EVI5: variants seen among roughly 807,000 people sequenced by gnomAD.
EVI5 encodes the protein ecotropic viral integration site 5 protein homolog.
Under a neutral mutation model 112.0 loss-of-function variants are expected in EVI5, and 73 were observed. The observed-to-expected ratio is 0.65, with a 90% CI of 0.54 to 0.79. The LOEUF (loss-of-function observed/expected upper bound fraction) is 0.79, where lower values mean the gene tolerates loss of function less well. Among genes scored for constraint, EVI5 ranks in the 30% least tolerant of loss-of-function variants. The pLI is 0.00. For missense variants in EVI5, 900 were observed against 968.8 expected (o/e 0.93, Z 0.94); for synonymous variants, 305 against 319.9 (o/e 0.95, Z 0.50).
Position 92,565,981 on chromosome 1 carries a change from C to A in EVI5, c.2071-2244G>T, listed in dbSNP as rs1161576240. ...AAAAAAAAAAAAAGAAATGTTCTAG[C>A]GACAGAGTGGGTAGCACTCCTATAG... On this transcript the variant is annotated intron_variant, in intron 18 of 19. Coordinates refer to ENST00000684568, the MANE Select transcript of EVI5 (RefSeq NM_001350197.2). Among the ~76,000 whole-genome samples, 10 of 50,542 alleles carry A rather than the reference C, an allele frequency of 2.0e-4. No homozygotes were observed. The Admixed American group carries it at 2.1e-3, about 11-fold the overall frequency. The allele number at this position is 50,542 out of a possible 152,430, so 33.2% of individuals were successfully genotyped here.
At position 92,792,282 on chromosome 1, in the gene EVI5, G is replaced by A. The variant is rs528361187; in HGVS notation, c.51+62C>T. 16 of 1,077,266 alleles carry A rather than the reference G, an allele frequency of 1.5e-5. No individual in the cohort carries two copies. In the East Asian group the frequency reaches 3.6e-4, roughly 24 times the overall value. The allele number at this position is 1,077,266 out of a possible 1,614,324, so 66.7% of individuals were successfully genotyped here. A position where few individuals can be genotyped will look rare whatever the true frequency, so the allele number is the denominator to read the frequency against. ...CTAACTCAATAACAAATTACTTTCT[G>A]TTACAGCAATTACATTTTTATAAGT... On this transcript the variant is annotated intron_variant, in intron 1 of 17. Coordinates refer to the EVI5 transcript ENST00000370331.
intron 2 of EVI5, among the ~76,000 whole-genome samples, chr1:92,731,175 T>C (rs1676405104): frequency 6.6e-6 from 1 of 151,922 alleles, no homozygotes; most frequent in Non-Finnish European, 1.5e-5. Context: ...AATACAAAAA[T>C]TAGCCGTCAT....
chr1:92,751,535 T>A (rs913367113), intron 1 of EVI5, among the ~76,000 whole-genome samples: 2 of 152,206 alleles, frequency 1.3e-5, no homozygotes, highest in African/African-American at 4.8e-5. Context: ...TTGGGTTGGA[T>A]CATTTGTTTC....
intron 18 of EVI5, among the ~76,000 whole-genome samples, chr1:92,593,141 C>T (rs1019204989): frequency 1.3e-5 from 2 of 152,286 alleles, no homozygotes; most frequent in South Asian, 4.1e-4. Flanking sequence ...AGACCAATGT[C>T]CCTGATGAAC....
chr1:92,578,188 C>T (rs1671369384), intron 18 of EVI5, among the ~76,000 whole-genome samples: 1 of 152,182 alleles, frequency 6.6e-6, no homozygotes, highest in Non-Finnish European at 1.5e-5. Flanking sequence ...TACTAATCCA[C>T]ATTGTTATTT....
At position 92,608,354 on chromosome 1, in the gene EVI5, A is replaced by G. The variant is rs149968922; in HGVS notation, c.1828-627T>C. Among the ~76,000 whole-genome samples the G allele has an allele frequency of 6.9e-4, 105 of 152,296 alleles. 1 individual carries two copies. The highest frequency in any genetic ancestry group is 2.5e-3 in the African/African-American group (103 of 41,568). On this transcript the variant is annotated intron_variant, in intron 16 of 19. Transcript: ENST00000684568. ...ATGGGAGTACAAAATGGATAGATAC[A>G]GGAATGGTGAGTTTAATTCCTCTTT... is the stretch of plus-strand genomic sequence containing the variant.
chr1:92,722,665 C>T (rs918289686), intron 2 of EVI5, among the ~76,000 whole-genome samples: 1 of 152,032 alleles, frequency 6.6e-6, no homozygotes, highest in African/African-American at 2.4e-5. Context: ...CATAACAGCC[C>T]TCACACAACC....
At position 92,519,371 on chromosome 1, in the gene EVI5, A is replaced by G. The variant is rs575406098; in HGVS notation, c.2167-5401T>C. ...ATTTCTTCAAGAAGATGAAATTCAT[A>G]GAACACCTAAATTGTTTGGATAGAG... is the stretch of plus-strand genomic sequence containing the variant. On this transcript the variant is annotated intron_variant, in intron 19 of 19. Transcript: ENST00000684568. 2.0e-5 allele frequency among the ~76,000 whole-genome samples: 3 copies of G among 152,326 alleles called. No individual in the cohort carries two copies. The South Asian group carries it at 6.2e-4, about 32-fold the overall frequency.
intron 19 of EVI5, among the ~76,000 whole-genome samples, chr1:92,536,281 C>T (rs1235920259): frequency 6.6e-6 from 1 of 151,988 alleles, no homozygotes; most frequent in South Asian, 2.1e-4. Flanking sequence ...CCCCCAAAAA[C>T]ATTTAGTAAT....
At chr1:92,520,240 A>G (rs1315551148) in intron 19 of EVI5, among the ~76,000 whole-genome samples, 1 of 152,058 alleles carries the variant, frequency 6.6e-6, no homozygotes, top group Non-Finnish European at 1.5e-5. Context: ...TTATTTTCCA[A>G]CCCCCCTCAT....
chr1:92,667,548 A>T (rs1665133728), intron 10 of EVI5, among the ~76,000 whole-genome samples: 1 of 152,184 alleles, frequency 6.6e-6, no homozygotes, highest in Admixed American at 6.5e-5. Context: ...GTCACTCTAC[A>T]TTTTTAAAAA....
intron 13 of EVI5, among the ~76,000 whole-genome samples, chr1:92,643,759 GT>G (rs1471761438): frequency 1.3e-5 from 2 of 152,126 alleles, no homozygotes; most frequent in Non-Finnish European, 2.9e-5. Context: ...CTGTTCTGAA[GT>G]TTAATATTCT....
At chr1:92,603,039 C>T (rs893598237) in intron 18 of EVI5, among the ~76,000 whole-genome samples, 4 of 152,118 alleles carry the variant, frequency 2.6e-5, no homozygotes, top group Non-Finnish European at 4.4e-5. Flanking sequence ...AGCAAAGGAC[C>T]TGAATAGCCA....
At chr1:92,740,684 A>C (rs1279297032) in intron 1 of EVI5, among the ~76,000 whole-genome samples, 1 of 152,214 alleles carries the variant, frequency 6.6e-6, no homozygotes, top group African/African-American at 2.4e-5. Flanking sequence ...GTATAAAATC[A>C]ACTAATATTT....
intron 19 of EVI5, among the ~76,000 whole-genome samples, chr1:92,543,681 G>T (rs139921378): frequency 6.6e-6 from 1 of 152,146 alleles, no homozygotes; most frequent in Non-Finnish European, 1.5e-5. Context: ...CTATATGAGT[G>T]CAATTTGTGG....
intron 1 of EVI5, among the ~76,000 whole-genome samples, chr1:92,790,952 T>C (rs1310150396): frequency 2.0e-5 from 3 of 152,196 alleles, no homozygotes; most frequent in African/African-American, 7.2e-5. Flanking sequence ...CACAATTCTG[T>C]TTATCTCTTG....
At chr1:92,530,428 C>A (rs1041162791) in intron 19 of EVI5, among the ~76,000 whole-genome samples, 2 of 152,106 alleles carry the variant, frequency 1.3e-5, no homozygotes, top group Non-Finnish European at 2.9e-5. Context: ...ACACAGCGTT[C>A]GAGCTCTGAT....
intron 19 of EVI5, among the ~76,000 whole-genome samples, chr1:92,516,777 A>AT (rs1659959450): frequency 6.6e-6 from 1 of 152,190 alleles, no homozygotes; most frequent in Non-Finnish European, 1.5e-5. Context: ...TATCTGATCT[A>AT]AATGATATAC....
At chr1:92,575,982 A>C (rs1323768758) in intron 18 of EVI5, among the ~76,000 whole-genome samples, 1 of 152,190 alleles carries the variant, frequency 6.6e-6, no homozygotes, top group Non-Finnish European at 1.5e-5. Context: ...CATTATTCCA[A>C]ATAAAATACT....
Sources: allele counts gnomAD v4.1 joint callset (sites outside exome capture counted in the v4.1 genomes callset), GRCh38; gene constraint gnomAD v4.1.1; transcripts MANE v1.5; gene names NCBI Gene and HGNC (gene_info 2026-07-23, HGNC 2026-07-21).